MADCAM1: variants seen among roughly 807,000 people sequenced by gnomAD.
The protein encoded by MADCAM1 is mucosal vascular addressin cell adhesion molecule 1, also known as mucosal addressin cell adhesion molecule 1.
In MADCAM1, 19 loss-of-function variants were observed where a neutral mutation model predicts 26.1. That is an observed-to-expected ratio of 0.73 (90% CI 0.51 to 1.07). The LOEUF is 1.07. Ranked by LOEUF, MADCAM1 falls within the 50% of genes least tolerant of loss-of-function variation. The pLI is 0.00. For synonymous variants in MADCAM1, 268 were observed against 260.9 expected (o/e 1.03, Z -0.26); for missense variants, 514 against 542.1 (o/e 0.95, Z 0.51).
intron 3 of MADCAM1, 28 bp from the exon 4 acceptor site, chr19:501,641 G>GAAA: frequency 6.7e-7 from 1 of 1,500,800 alleles, no homozygotes; most frequent in South Asian, 1.3e-5. Context: ...CAGCAGAGAG[G>GAAA]AAAAAAAAAC....
chr19:504,854 G>C lies in MADCAM1; in HGVS notation c.1038G>C (p.Arg346=). Residue 346 remains arginine (R), a synonymous_variant, in exon 5 of 5, where the codon CGG becomes CGC. Coordinates refer to ENST00000215637, the MANE Select transcript of MADCAM1 (RefSeq NM_130760.3). ...CCTATCACCTCTGGAAACGCTGCCGGCACCTGGCTGAGGACGACACCCACC... is the reference window on the plus strand; with the variant it reads ...CCTATCACCTCTGGAAACGCTGCCGCCACCTGGCTGAGGACGACACCCACC... ...LPTYHLWKRC[R]HLAEDDTHPP... The C allele has an allele frequency of 6.2e-7, 1 of 1,612,836 alleles. No homozygotes were observed. Among genetic ancestry groups the C allele is most frequent in the Non-Finnish European group, 8.5e-7 (1 of 1,179,894 alleles).
Position 496,525 on chromosome 19 carries a change from T to G in MADCAM1, c.26T>G (p.Leu9Arg). ...ATGGATTTCGGACTGGCCCTCCTGC[T>G]GGCGGGGCTTCTGGGGCTCCTCCTC... MDFGLALL[L>R]AGLLGLLLGQ... Residue 9 changes from leucine (L) to arginine (R), a missense_variant, in exon 1 of 5, where the codon CTG becomes CGG. Transcript: ENST00000215637. 1 of 1,301,876 alleles carries G rather than the reference T, an allele frequency of 7.7e-7. No homozygotes were observed. The highest frequency in any genetic ancestry group is 9.8e-7 in the Non-Finnish European group (1 of 1,019,288). The allele number at this position is 1,301,876 out of a possible 1,614,324, so 80.6% of individuals were successfully genotyped here. A position where few individuals can be genotyped will look rare whatever the true frequency, so the allele number is the denominator to read the frequency against.
intron 3 of MADCAM1, 168 bp from the exon 4 acceptor site, chr19:501,485 CAAAAAAAAAAAAAAAA>C (rs60370701): frequency 1.0e-3 from 84 of 83,516 alleles, no homozygotes; most frequent in African/African-American, 3.0e-3. Flanking sequence ...AACTCTGTCT[CAAAAAAAAAAAAAAAA>C]AAAAAAAAAA....
intron 1 of MADCAM1, among the ~76,000 whole-genome samples, chr19:497,502 G>C (rs1486648410): frequency 6.7e-6 from 1 of 149,024 alleles, no homozygotes; most frequent in Non-Finnish European, 1.5e-5. Context: ...GATAGGGGGT[G>C]ATTGGTGATC....
At position 497,819 on chromosome 19, in the gene MADCAM1, C is replaced by A; in HGVS notation, c.53-14C>A. On this transcript the variant is annotated splice_polypyrimidine_tract_variant and intron_variant, in intron 1 of 4. Coordinates refer to ENST00000215637, the MANE Select transcript of MADCAM1 (RefSeq NM_130760.3). ...GGACTCCGCGGGGCTGAGCGAGAGC[C>A]GCGGTCGCCGCAGGCCAGTCCCTCC... is the stretch of plus-strand genomic sequence containing the variant. 1.6e-6 allele frequency: 2 copies of A among 1,269,922 alleles called. No homozygotes were observed. Among genetic ancestry groups the A allele is most frequent in the Non-Finnish European group, 2.0e-6 (2 of 1,010,122 alleles). The allele number at this position is 1,269,922 out of a possible 1,614,324, so 78.7% of individuals were successfully genotyped here. A position where few individuals can be genotyped will look rare whatever the true frequency, so the allele number is the denominator to read the frequency against.
At chr19:498,144 C>A (rs1010739968) in intron 2 of MADCAM1, 27 bp downstream of exon 2, 25 of 1,308,862 alleles carry the variant, frequency 1.9e-5, no homozygotes, top group Non-Finnish European at 2.3e-5. Context: ...CGCCCTGCCT[C>A]TCTGACCCTT....
At position 498,228 on chromosome 19, in the gene MADCAM1, G is replaced by A. The variant is rs1344690470; in HGVS notation, c.337+111G>A. ...ATTGCAGGCAGGGTCCCAGCTCCAT[G>A]CACAGCTCCCCGAAGCCAGGTCCCC... On this transcript the variant is annotated intron_variant, in intron 2 of 4. Coordinates refer to ENST00000215637, the MANE Select transcript of MADCAM1 (RefSeq NM_130760.3). 5 of 1,145,302 alleles carry A rather than the reference G, an allele frequency of 4.4e-6. 1 individual carries two copies. Among genetic ancestry groups the A allele is most frequent in the Non-Finnish European group, 4.5e-6 (4 of 884,260 alleles). 70.9% of individuals were successfully genotyped at this position (1,145,302 alleles called of 1,614,324 possible). A position where few individuals can be genotyped will look rare whatever the true frequency, so the allele number is the denominator to read the frequency against.
At position 504,984 on chromosome 19, in the gene MADCAM1, T is replaced by G. The variant is rs748977050; in HGVS notation, c.*19T>G. The G allele has an allele frequency of 3.2e-6, 5 of 1,558,084 alleles. No homozygotes were observed. In the Admixed American group the frequency reaches 5.4e-5, roughly 17 times the overall value. ...CTCCTGAGTGGCCAGCCTTTCCCCC[T>G]GTGAAAGCAAAATAGCTTGGACCCC... On this transcript the variant is annotated 3_prime_UTR_variant, in exon 5 of 5. Coordinates refer to ENST00000215637, the MANE Select transcript of MADCAM1 (RefSeq NM_130760.3).
chr19:502,402 A>G (rs1397248295), intron 4 of MADCAM1, among the ~76,000 whole-genome samples: 1 of 151,994 alleles, frequency 6.6e-6, no homozygotes, highest in Non-Finnish European at 1.5e-5. Flanking sequence ...CCTGGGTTCA[A>G]GCGATTCTCC....
At position 497,794 on chromosome 19, in the gene MADCAM1, G is replaced by A. The variant is rs372075978; in HGVS notation, c.53-39G>A. 1,002 of 1,252,394 alleles carry A rather than the reference G, an allele frequency of 8.0e-4. 18 individuals are homozygous for A. The East Asian group carries it at 0.025, about 32-fold the overall frequency. 77.6% of individuals were successfully genotyped at this position (1,252,394 alleles called of 1,614,324 possible). A position where few individuals can be genotyped will look rare whatever the true frequency, so the allele number is the denominator to read the frequency against. On this transcript the variant is annotated intron_variant, in intron 1 of 4. Coordinates refer to ENST00000215637, the MANE Select transcript of MADCAM1 (RefSeq NM_130760.3). ...AGGGCCGGTGGCGGGGCGGGGTCCG[G>A]GACTCCGCGGGGCTGAGCGAGAGCC...
At chr19:501,112 C>T (rs1978320853) in intron 3 of MADCAM1, among the ~76,000 whole-genome samples, 1 of 151,878 alleles carries the variant, frequency 6.6e-6, no homozygotes, top group African/African-American at 2.4e-5. Context: ...TGGCTTCAGC[C>T]TGGGAGGTTG....
intron 4 of MADCAM1, among the ~76,000 whole-genome samples, chr19:503,364 G>A (rs3999753): frequency 0.44 from 65,378 of 148,568 alleles, 14,994 homozygotes; most frequent in East Asian, 0.77. Context: ...GGCGGATCAC[G>A]AGGTCAGGAG....
Position 498,095 on chromosome 19 carries a change from C to G in MADCAM1, c.315C>G (p.His105Gln). The G allele has an allele frequency of 7.0e-7, 1 of 1,428,110 alleles. No homozygotes were observed. The highest frequency in any genetic ancestry group is 1.5e-5 in the African/African-American group (1 of 67,964). 88.5% of individuals were successfully genotyped at this position (1,428,110 alleles called of 1,614,324 possible). The change falls in exon 2 of 5, where the codon CAC becomes CAG. Residue 105 changes from histidine (H) to glutamine (Q), a missense_variant. Transcript: ENST00000215637. The part of the protein sequence containing the change: ...VGSCGGRTFQ[H>Q]TVQLLVYAFP... ...CCTGCGGGGGCCGCACCTTCCAGCA[C>G]ACCGTGCAGCTCCTTGTGTACGGTG...
At chr19:503,552 A>G (rs12461518) in intron 4 of MADCAM1, among the ~76,000 whole-genome samples, 41,863 of 141,910 alleles carry the variant, frequency 0.29, 7,341 homozygotes, top group Admixed American at 0.4. Context: ...CTGCACTCCA[A>G]CCTGGGAGAC....
chr19:497,671 G>A (rs1318320776), intron 1 of MADCAM1, 162 bp from the exon 2 acceptor site: 2 of 518,876 alleles, frequency 3.9e-6, no homozygotes, highest in African/African-American at 2.0e-5. Flanking sequence ...GACCGAGCCT[G>A]GGAGTCCGGG....
intron 3 of MADCAM1, chr19:500,054 G>A (rs544467754): frequency 2.1e-4 from 95 of 455,214 alleles, no homozygotes; most frequent in East Asian, 9.0e-4. Context: ...ACAGAACACG[G>A]GCCCTCACGG....
chr19:504,787 C>A lies in MADCAM1; in HGVS notation c.971C>A (p.Thr324Asn), dbSNP rs754764277. Reference sequence around the variant, plus strand: ...GACCAGCTGCCCGCGGCTCTGTGGACCAGCAGTGCGGTGCTGGGACTGCTG... The same window carrying A: ...GACCAGCTGCCCGCGGCTCTGTGGAACAGCAGTGCGGTGCTGGGACTGCTG... ...AGDQLPAALWTSSAVLGLLLL... is the reference protein window; with the variant it reads ...AGDQLPAALWNSSAVLGLLLL... The change falls in exon 5 of 5, where the codon ACC becomes AAC. Residue 324 changes from threonine to asparagine, a missense_variant. This residue lies in a region of MADCAM1 where 152 missense variants were observed against 136.7 expected (regional missense o/e 1.11). Transcript: ENST00000215637. The A allele has an allele frequency of 1.2e-6, 2 of 1,611,632 alleles. No homozygotes were observed. The highest frequency in any genetic ancestry group is 1.7e-6 in the Non-Finnish European group (2 of 1,178,806).
chr19:499,036 A>G (rs1978303344), intron 3 of MADCAM1: 1 of 805,508 alleles, frequency 1.2e-6, no homozygotes, highest in Non-Finnish European at 2.1e-6. Flanking sequence ...CCCTGCCCAC[A>G]GCGCTCCATG....
chr19:497,710 A>C, intron 1 of MADCAM1, 123 bp from the exon 2 acceptor site: 1 of 728,136 alleles, frequency 1.4e-6, no homozygotes, highest in Non-Finnish European at 1.8e-6. Context: ...CCGGGGGTGC[A>C]GCGGAGGGTC....
Sources: gnomAD v4.1 joint callset for allele counts (sites outside exome capture counted in the v4.1 genomes callset) on GRCh38, gnomAD v4.1.1 for gene constraint, gnomAD v4.1.1 regional missense constraint, MANE v1.5 for transcripts, NCBI Gene and HGNC (gene_info 2026-07-23, HGNC 2026-07-21) for gene names.